The following CCDC192 variants were observed in gnomAD, a reference collection of about 807,000 sequenced individuals.
The protein encoded by CCDC192 is coiled-coil domain-containing protein 192.
chr5:127,803,496 C>T (rs1399924229), intron 5 of CCDC192, among the ~76,000 whole-genome samples: 1 of 152,176 alleles, frequency 6.6e-6, no homozygotes, highest in Non-Finnish European at 1.5e-5. Flanking sequence ...GATATCTGTT[C>T]TTGTTAGGGC....
intron 3 of CCDC192, among the ~76,000 whole-genome samples, chr5:127,757,404 A>G (rs1429860331): frequency 2.0e-5 from 3 of 152,168 alleles, no homozygotes; most frequent in Non-Finnish European, 2.9e-5. Flanking sequence ...TGAGCATTTT[A>G]TGAGATCTGG....
intron 5 of CCDC192, among the ~76,000 whole-genome samples, chr5:127,859,377 T>C (rs1751259833): frequency 6.6e-6 from 1 of 152,186 alleles, no homozygotes; most frequent in East Asian, 1.9e-4. Flanking sequence ...TAGTTCCCCT[T>C]CTGATTCTTA....
intron 6 of CCDC192, among the ~76,000 whole-genome samples, chr5:127,904,455 T>G (rs1410411509): frequency 2.0e-5 from 3 of 151,872 alleles, no homozygotes; most frequent in Non-Finnish European, 4.4e-5. Context: ...TACAGACCAC[T>G]TAGAACTGCT....
rs1056216588 is a variant in CCDC192 at position 127,866,647 on chromosome 5, A to G, written c.412-8891A>G. Among the ~76,000 whole-genome samples, 10 of 151,994 alleles carry G rather than the reference A, an allele frequency of 6.6e-5. No homozygotes were observed. The East Asian group carries it at 9.6e-4, about 15-fold the overall frequency. The stretch of plus-strand genomic sequence containing the variant: ...ATAAAGATTCTAAAGTATTAATATC[A>G]GTAACATTATTAACTAATACCATGC... On this transcript the variant is annotated intron_variant, in intron 5 of 6. Coordinates refer to ENST00000514853, the MANE Select transcript of CCDC192 (RefSeq NM_001317938.2).
At chr5:127,763,246 T>C (rs924280645) in intron 3 of CCDC192, among the ~76,000 whole-genome samples, 5 of 152,202 alleles carry the variant, frequency 3.3e-5, no homozygotes, top group Non-Finnish European at 7.4e-5. Flanking sequence ...TACCTGCTTC[T>C]TGCCCCAAAC....
At chr5:127,752,744 G>T (rs991934175) in intron 2 of CCDC192, among the ~76,000 whole-genome samples, 8 of 152,214 alleles carry the variant, frequency 5.3e-5, no homozygotes, top group African/African-American at 1.9e-4. Flanking sequence ...ATCTCAGACT[G>T]CTGTGCTAGC....
rs1757207636 is a variant in CCDC192, at chr5:127,797,155, T to C, written c.275T>C (p.Leu92Pro). The change falls in exon 4 of 7, where the codon CTG (leucine) becomes CCG (proline). Residue 92 changes from leucine (L) to proline (P), a missense_variant. Transcript: ENST00000514853. ...AAACTGCTTGAACAAGTATCCCGGC[T>C]GGAGGAAAAACTGGAGGCTGTGGAC... is the stretch of plus-strand genomic sequence containing the variant. ...KSKLLEQVSR[L>P]EEKLEAVDHK... 1 of 398,366 alleles carries C rather than the reference T, an allele frequency of 2.5e-6. No individual in the cohort carries two copies. Among genetic ancestry groups the C allele is most frequent in the East Asian group, 3.6e-5 (1 of 28,006 alleles). The allele number at this position is 398,366 out of a possible 1,614,324, so 24.7% of individuals were successfully genotyped here.
chr5:127,929,403 A>T (rs564564109), intron 6 of CCDC192, among the ~76,000 whole-genome samples: 1 of 152,320 alleles, frequency 6.6e-6, no homozygotes, highest in African/African-American at 2.4e-5. Context: ...ATCAAAAGAA[A>T]GAAAATGAGG....
chr5:127,808,616 C>G (rs961631940), intron 5 of CCDC192, among the ~76,000 whole-genome samples: 1 of 152,156 alleles, frequency 6.6e-6, no homozygotes, highest in Non-Finnish European at 1.5e-5. Flanking sequence ...AGGCCTCCAT[C>G]CCTTTGCAGA....
intron 2 of CCDC192, among the ~76,000 whole-genome samples, chr5:127,716,864 T>C (rs936319718): frequency 6.6e-6 from 1 of 152,212 alleles, no homozygotes; most frequent in African/African-American, 2.4e-5. Flanking sequence ...GAAGCCTCTG[T>C]TGTATTTTTC....
intron 3 of CCDC192, among the ~76,000 whole-genome samples, chr5:127,764,837 C>T (rs571774411): frequency 3.9e-5 from 6 of 152,268 alleles, no homozygotes; most frequent in East Asian, 1.9e-4. Context: ...ATGTGGCCCA[C>T]GGGCTGCAGG....
intron 3 of CCDC192, among the ~76,000 whole-genome samples, chr5:127,756,581 G>A (rs1311068936): frequency 6.6e-6 from 1 of 152,204 alleles, no homozygotes; most frequent in Non-Finnish European, 1.5e-5. Flanking sequence ...CTGAAGCACT[G>A]ATCTTAAGCT....
At chr5:127,846,722 A>G (rs1750561105) in intron 5 of CCDC192, among the ~76,000 whole-genome samples, 1 of 148,098 alleles carries the variant, frequency 6.8e-6, no homozygotes, top group Admixed American at 6.9e-5. Context: ...CACCCACCTC[A>G]GCCTCCAAAA....
chr5:127,710,839 C>T (rs1451937302), intron 2 of CCDC192, among the ~76,000 whole-genome samples: 54 of 152,150 alleles, frequency 3.5e-4, no homozygotes, highest in Non-Finnish European at 7.3e-5. Context: ...TATGTGTTTA[C>T]TTTATCGCAG....
At chr5:127,725,074 A>G (rs790833) in intron 2 of CCDC192, among the ~76,000 whole-genome samples, 47,453 of 152,082 alleles carry the variant, frequency 0.31, 8,250 homozygotes, top group Middle Eastern at 0.41. Context: ...AAAACTCTTT[A>G]TATCAAATAA....
chr5:127,906,707 G>A (rs1753204462), intron 6 of CCDC192, among the ~76,000 whole-genome samples: 1 of 152,086 alleles, frequency 6.6e-6, no homozygotes, highest in Non-Finnish European at 1.5e-5. Flanking sequence ...GATCACCTGA[G>A]CTCGGGAGTT....
At chr5:127,870,370 G>C (rs1049746736) in intron 5 of CCDC192, among the ~76,000 whole-genome samples, 9 of 152,130 alleles carry the variant, frequency 5.9e-5, no homozygotes, top group African/African-American at 2.2e-4. Context: ...CTGTCACATT[G>C]CCTTTCTAGG....
chr5:127,832,479 A>G (rs1385947435), intron 5 of CCDC192, among the ~76,000 whole-genome samples: 2 of 152,196 alleles, frequency 1.3e-5, no homozygotes, highest in African/African-American at 2.4e-5. Flanking sequence ...TTAAAGATAT[A>G]TGATAAGGGC....
At chr5:127,809,461 T>G (rs1757962302) in intron 5 of CCDC192, among the ~76,000 whole-genome samples, 1 of 152,180 alleles carries the variant, frequency 6.6e-6, no homozygotes, top group Admixed American at 6.5e-5. Flanking sequence ...TACCATTCAT[T>G]TCTGTTGAGT....
Sources: gnomAD v4.1 joint callset for allele counts (sites outside exome capture counted in the v4.1 genomes callset) on GRCh38, gnomAD v4.1.1 for gene constraint, MANE v1.5 for transcripts, NCBI Gene and HGNC (gene_info 2026-07-23, HGNC 2026-07-21) for gene names.